Variants in NSL1 observed in about 807,000 individuals in gnomAD.
NSL1 encodes kinetochore-associated protein NSL1 homolog.
In NSL1, 11 loss-of-function variants were observed where a neutral mutation model predicts 25.4. The ratio of observed to expected loss-of-function variants is 0.43; its 90% CI spans 0.27 to 0.72. The LOEUF is 0.72. Ranked by LOEUF, NSL1 falls within the 30% of genes least tolerant of loss-of-function variation. NSL1 has a pLI of 0.19. For missense variants in NSL1, 330 were observed against 342.7 expected (o/e 0.96, Z 0.29); for synonymous variants, 118 against 120.6 (o/e 0.98, Z 0.14).
rs943187450 is a variant in NSL1 at position 212,788,314 on chromosome 1, G to A, written c.235-677C>T. Among the ~76,000 whole-genome samples the A allele has an allele frequency of 2.0e-5, 3 of 152,206 alleles. No homozygotes were observed. The East Asian group carries it at 5.8e-4, about 29-fold the overall frequency. ...TGTAGTCCCGGCTACTTGAAAGGCT[G>A]AGGCTAGAGGATTACTTGAGCCCAG... On this transcript the variant is annotated intron_variant, in intron 1 of 5. Coordinates refer to ENST00000366977, the MANE Select transcript of NSL1 (RefSeq NM_015471.4).
chr1:212,766,409 G>A, intron 4 of NSL1: 1 of 421,510 alleles, frequency 2.4e-6, no homozygotes, highest in South Asian at 6.0e-5. Flanking sequence ...GTTTGCCAGT[G>A]ATATGATCGT....
chr1:212,782,551 C>T (rs1660774387), intron 3 of NSL1, 125 bp from the exon 4 acceptor site: 1 of 733,138 alleles, frequency 1.4e-6, no homozygotes, highest in Non-Finnish European at 2.3e-6. Flanking sequence ...AAATTAAATC[C>T]TACTGTCTGT....
chr1:212,778,930 C>A (rs1660524883), intron 4 of NSL1, among the ~76,000 whole-genome samples: 1 of 151,568 alleles, frequency 6.6e-6, no homozygotes, highest in South Asian at 2.1e-4. Context: ...CTCTGCCCAG[C>A]CGCCATCCCA....
intron 4 of NSL1, among the ~76,000 whole-genome samples, chr1:212,780,296 T>C (rs1381500197): frequency 1.3e-5 from 2 of 152,094 alleles, no homozygotes; most frequent in Admixed American, 6.5e-5. Flanking sequence ...AAACAGATGC[T>C]TGAAGGCAGC....
At position 212,730,669 on chromosome 1, in the gene NSL1, T is replaced by C. The variant is rs375268882; in HGVS notation, c.*7739A>G. 64 of 985,364 alleles carry C rather than the reference T, an allele frequency of 6.5e-5. No homozygotes were observed. The South Asian group carries it at 2.5e-3, about 38-fold the overall frequency. 61.0% of individuals were successfully genotyped at this position (985,364 alleles called of 1,614,324 possible). A position where few individuals can be genotyped will look rare whatever the true frequency, so the allele number is the denominator to read the frequency against. On this transcript the variant is annotated 3_prime_UTR_variant, in exon 6 of 6. Transcript: ENST00000366977. ...GCAACTATACCTGCTAGCACAGTGATGTCACTGAGGGATGTCAATGCCATC... is the reference window on the plus strand; with the variant it reads ...GCAACTATACCTGCTAGCACAGTGACGTCACTGAGGGATGTCAATGCCATC...
Position 212,727,627 on chromosome 1 carries a change from C to T in NSL1, c.*10781G>A, listed in dbSNP as rs528658101. ...GTTTTGTAACCTTCTAAAATTCACA[C>T]GTCACAAATTCAGAATTTACTATAA... On this transcript the variant is annotated 3_prime_UTR_variant, in exon 6 of 6. Transcript: ENST00000366977. 3.1e-4 allele frequency: 307 copies of T among 985,258 alleles called. 1 individual carries two copies. The highest frequency in any genetic ancestry group is 5.1e-4 in the African/African-American group (29 of 57,332). 61.0% of individuals were successfully genotyped at this position (985,258 alleles called of 1,614,324 possible). A position where few individuals can be genotyped will look rare whatever the true frequency, so the allele number is the denominator to read the frequency against.
intron 4 of NSL1, among the ~76,000 whole-genome samples, chr1:212,775,030 T>C (rs752599430): frequency 2.0e-5 from 3 of 152,196 alleles, no homozygotes; most frequent in Non-Finnish European, 2.9e-5. Context: ...AAATACATAG[T>C]ATATGTCCAT....
chr1:212,773,315 G>T (rs1387724201), intron 4 of NSL1, among the ~76,000 whole-genome samples: 1 of 151,330 alleles, frequency 6.6e-6, no homozygotes, highest in African/African-American at 2.4e-5. Context: ...ATATACACAA[G>T]AAGCTCAAAT....
chr1:212,731,207 A>G lies in NSL1; in HGVS notation c.*7201T>C. On this transcript the variant is annotated 3_prime_UTR_variant, in exon 6 of 6. Transcript: ENST00000366977. ...GGGAGAAAAAAAAAAAAACCTGAAG[A>G]AACCAAAACTAGAATTATCAGCCAA... 1.0e-6 allele frequency: 1 copy of G among 984,774 alleles called. No individual in the cohort carries two copies. Among genetic ancestry groups the G allele is most frequent in the Non-Finnish European group, 1.2e-6 (1 of 829,700 alleles). 61.0% of individuals were successfully genotyped at this position (984,774 alleles called of 1,614,324 possible).
At chr1:212,761,058 C>A (rs746860272) in intron 4 of NSL1, among the ~76,000 whole-genome samples, 9 of 152,204 alleles carry the variant, frequency 5.9e-5, no homozygotes, top group Admixed American at 1.3e-4. Context: ...GCTAAAGCAC[C>A]CTACCCAATC....
At chr1:212,791,405 G>A (rs1661253698) in intron 1 of NSL1, 125 bp downstream of exon 1, 2 of 857,360 alleles carry the variant, frequency 2.3e-6, no homozygotes, top group Non-Finnish European at 3.8e-6. Context: ...TCTCGAACTG[G>A]TTCTACAGTA....
Position 212,737,514 on chromosome 1 carries a change from GAAGTA to G in NSL1, c.*889_*893del. 1.0e-6 allele frequency: 1 copy of G among 982,070 alleles called. No individual in the cohort carries two copies. Among genetic ancestry groups the G allele is most frequent in the East Asian group, 1.1e-4 (1 of 8,804 alleles). The allele number at this position is 982,070 out of a possible 1,614,324, so 60.8% of individuals were successfully genotyped here. ...TATAAGAAACTATAGTTAAATGTTA[GAAGTA>G]AAGCCAATATCGTTTTCTCAGACTT... On this transcript the variant is annotated 3_prime_UTR_variant, in exon 6 of 6. Coordinates refer to ENST00000366977, the MANE Select transcript of NSL1 (RefSeq NM_015471.4).
chr1:212,730,739 C>A lies in NSL1; in HGVS notation c.*7669G>T. The stretch of plus-strand genomic sequence containing the variant: ...AGGGATATGGGAATTAGACTTAGTT[C>A]TAGTAGACGTAGTTCTAGTAGACAG... On this transcript the variant is annotated 3_prime_UTR_variant, in exon 6 of 6. Transcript: ENST00000366977. 2 of 985,360 alleles carry A rather than the reference C, an allele frequency of 2.0e-6. No homozygotes were observed. Among genetic ancestry groups the A allele is most frequent in the Non-Finnish European group, 2.4e-6 (2 of 829,914 alleles). 61.0% of individuals were successfully genotyped at this position (985,360 alleles called of 1,614,324 possible).
chr1:212,745,558 T>C (rs1451188781), intron 4 of NSL1, among the ~76,000 whole-genome samples: 1 of 152,028 alleles, frequency 6.6e-6, no homozygotes, highest in Non-Finnish European at 1.5e-5. Flanking sequence ...ACTGGGAGGA[T>C]ATGGTTAAAG....
chr1:212,784,992 A>T (rs1167904186), intron 2 of NSL1, among the ~76,000 whole-genome samples: 2 of 152,242 alleles, frequency 1.3e-5, no homozygotes, highest in Non-Finnish European at 2.9e-5. Flanking sequence ...TATTTGCAAG[A>T]TCCTAGTCTT....
In NSL1 at chr1:212,730,537, G is replaced by T. The variant is rs983027446; in HGVS notation, c.*7871C>A. Reference sequence around the variant, plus strand: ...CCCAATCTTTTACACAGGCACAGGAGTCAGCTGGAGCAGAAGACCTGCAGG... The same window carrying T: ...CCCAATCTTTTACACAGGCACAGGATTCAGCTGGAGCAGAAGACCTGCAGG... On this transcript the variant is annotated 3_prime_UTR_variant, in exon 6 of 6. Transcript: ENST00000366977. 3 of 985,406 alleles carry T rather than the reference G, an allele frequency of 3.0e-6. No homozygotes were observed. The East Asian group carries it at 3.4e-4, about 112-fold the overall frequency. The allele number at this position is 985,406 out of a possible 1,614,324, so 61.0% of individuals were successfully genotyped here.
At chr1:212,777,522 G>A (rs1036027786) in intron 4 of NSL1, among the ~76,000 whole-genome samples, 8 of 152,296 alleles carry the variant, frequency 5.3e-5, no homozygotes, top group Middle Eastern at 3.4e-3. Context: ...TGTACACAAC[G>A]TTGATGGAGA....
chr1:212,791,503 TA>T (rs915126468), intron 1 of NSL1, 26 bp downstream of exon 1: 2 of 1,590,458 alleles, frequency 1.3e-6, no homozygotes, highest in Admixed American at 1.7e-5. Context: ...GGATGATGAG[TA>T]AAGAACTGGC....
At chr1:212,786,361 T>C (rs1369419832) in intron 2 of NSL1, among the ~76,000 whole-genome samples, 3 of 151,612 alleles carry the variant, frequency 2.0e-5, no homozygotes, top group Non-Finnish European at 4.4e-5. Context: ...CATTTATCCA[T>C]TAAAAAAGTT....
Sources: allele counts gnomAD v4.1 joint callset (sites outside exome capture counted in the v4.1 genomes callset), GRCh38; gene constraint gnomAD v4.1.1; transcripts MANE v1.5; gene names NCBI Gene and HGNC (gene_info 2026-07-23, HGNC 2026-07-21).